The following PDZD8 variants were observed in gnomAD, a reference collection of about 807,000 sequenced individuals.
PDZD8 encodes the protein PDZ domain-containing protein 8.
In PDZD8, 14 loss-of-function variants were observed where a neutral mutation model predicts 85.8. The ratio of observed to expected loss-of-function variants is 0.16; its 90% CI spans 0.11 to 0.26. The LOEUF is 0.26. Ranked by LOEUF, PDZD8 falls within the 10% of genes least tolerant of loss-of-function variation. The pLI, the probability that PDZD8 is intolerant of heterozygous loss-of-function variation, is 1.00. For missense variants in PDZD8, 1,197 were observed against 1,424.3 expected (o/e 0.84, Z 2.57); for synonymous variants, 592 against 568.6 (o/e 1.04, Z -0.59).
chr10:117,342,773 A>G (rs1844638280), intron 1 of PDZD8, among the ~76,000 whole-genome samples: 1 of 152,198 alleles, frequency 6.6e-6, no homozygotes, highest in African/African-American at 2.4e-5. Flanking sequence ...TACAGGCCTG[A>G]GCCACCACAC....
chr10:117,358,545 A>G (rs17628116), intron 1 of PDZD8, among the ~76,000 whole-genome samples: 41,365 of 151,784 alleles, frequency 0.27, 5,998 homozygotes, highest in Middle Eastern at 0.38. Context: ...TTCCACACCT[A>G]TTTTTAATAC....
chr10:117,327,773 T>C (rs1273241525), intron 2 of PDZD8, among the ~76,000 whole-genome samples: 1 of 152,218 alleles, frequency 6.6e-6, no homozygotes, highest in East Asian at 1.9e-4. Context: ...TTTGTCCAAT[T>C]ATTCTGAATT....
chr10:117,320,614 C>G (rs577153183), intron 2 of PDZD8, among the ~76,000 whole-genome samples: 2 of 152,042 alleles, frequency 1.3e-5, no homozygotes, highest in South Asian at 4.1e-4. Flanking sequence ...AAAAGTAAAT[C>G]TTTTTGACCT....
chr10:117,361,592 CAG>C (rs1304869416), intron 1 of PDZD8, among the ~76,000 whole-genome samples: 1 of 152,122 alleles, frequency 6.6e-6, no homozygotes, highest in Non-Finnish European at 1.5e-5. Context: ...GTTTATGAAA[CAG>C]AAATCTGGTC....
In PDZD8 at chr10:117,374,477, T is replaced by C; in HGVS notation, c.751A>G (p.Ile251Val). Residue 251 changes from isoleucine to valine, a missense_variant, in exon 1 of 5, where the codon ATC (isoleucine) becomes GTC (valine). Around this residue, in one of 4 missense-constraint regions of PDZD8, gnomAD observed 344 missense variants for 453.6 expected, o/e 0.76. Transcript: ENST00000334464. The surrounding 1 kb of genome is among the most constrained non-coding windows in gnomAD (Gnocchi z 7.8). ...WFFSFVEDPL[I>V]DFEVRSQFEG... ...AACTGGGAGCGCACCTCGAAGTCGA[T>C]CAGCGGGTCTTCCACGAAGGAGAAG... is the stretch of plus-strand genomic sequence containing the variant. 1 of 1,614,052 alleles carries C rather than the reference T, an allele frequency of 6.2e-7. No homozygotes were observed. The highest frequency in any genetic ancestry group is 1.6e-4 in the Middle Eastern group (1 of 6,062).
At chr10:117,359,418 AAAC>A (rs1238921204) in intron 1 of PDZD8, among the ~76,000 whole-genome samples, 2 of 151,684 alleles carry the variant, frequency 1.3e-5, no homozygotes, top group African/African-American at 2.4e-5. Context: ...CCTGTTTCAA[AAAC>A]AACAACAGGC....
rs188332838 is a variant in PDZD8 at position 117,366,064 on chromosome 10, C to T, written c.872+8292G>A. ...AGGAAAAAAAAAAGAATCAAAAAGA[C>T]ATACACTTCATAGGATAGAGAGAGG... On this transcript the variant is annotated intron_variant, in intron 1 of 4. Coordinates refer to ENST00000334464, the MANE Select transcript of PDZD8 (RefSeq NM_173791.5). Among the ~76,000 whole-genome samples, 19 of 151,974 alleles carry T rather than the reference C, an allele frequency of 1.3e-4. No individual in the cohort carries two copies. The East Asian group carries it at 3.7e-3, about 29-fold the overall frequency.
intron 1 of PDZD8, among the ~76,000 whole-genome samples, chr10:117,351,346 A>C (rs1245162615): frequency 1.3e-5 from 2 of 152,254 alleles, no homozygotes; most frequent in Non-Finnish European, 2.9e-5. Flanking sequence ...AACAACATGG[A>C]TTAATCTCAC....
chr10:117,288,301 G>A (rs909610123), intron 4 of PDZD8, among the ~76,000 whole-genome samples: 1 of 151,688 alleles, frequency 6.6e-6, no homozygotes, highest in African/African-American at 2.4e-5. Flanking sequence ...CATGCTAAAA[G>A]AAATAAAGAC....
intron 2 of PDZD8, among the ~76,000 whole-genome samples, chr10:117,325,076 A>T (rs550924523): frequency 2.6e-5 from 4 of 152,152 alleles, no homozygotes; most frequent in Non-Finnish European, 2.9e-5. Flanking sequence ...TGACCAGACA[A>T]CTTCAAGGAA....
chr10:117,299,214 T>TA (rs2133777592), intron 3 of PDZD8, among the ~76,000 whole-genome samples: 1 of 152,352 alleles, frequency 6.6e-6, no homozygotes, highest in Admixed American at 6.5e-5. Flanking sequence ...TTAATAGTTT[T>TA]AGTTCTCTTT....
At chr10:117,291,933 C>CA (rs1416082574) in intron 3 of PDZD8, among the ~76,000 whole-genome samples, 2 of 151,818 alleles carry the variant, frequency 1.3e-5, no homozygotes, top group Non-Finnish European at 2.9e-5. Flanking sequence ...CGCTCAATTA[C>CA]AAATCAGTCT....
intron 1 of PDZD8, among the ~76,000 whole-genome samples, chr10:117,352,476 C>A (rs1257221553): frequency 6.6e-6 from 1 of 152,058 alleles, no homozygotes; most frequent in Admixed American, 6.6e-5. Flanking sequence ...CAAAAAAGAA[C>A]ACAAAAAAGA....
At chr10:117,327,346 A>C (rs1213716202) in intron 2 of PDZD8, among the ~76,000 whole-genome samples, 1 of 152,220 alleles carries the variant, frequency 6.6e-6, no homozygotes, top group Non-Finnish European at 1.5e-5. Flanking sequence ...AAGCTCCTGC[A>C]TTAGGCCCTA....
intron 2 of PDZD8, among the ~76,000 whole-genome samples, chr10:117,340,440 G>T (rs962244989): frequency 6.6e-6 from 1 of 152,080 alleles, no homozygotes; most frequent in Admixed American, 6.6e-5. Flanking sequence ...CTGTTAGGTC[G>T]GTTTAGCCAA....
At chr10:117,348,383 C>T (rs1844744600) in intron 1 of PDZD8, among the ~76,000 whole-genome samples, 1 of 152,164 alleles carries the variant, frequency 6.6e-6, no homozygotes, top group Non-Finnish European at 1.5e-5. Context: ...TAGGCATCAG[C>T]ACACTGTACA....
At chr10:117,307,235 T>C (rs952782979) in intron 3 of PDZD8, among the ~76,000 whole-genome samples, 1 of 127,512 alleles carries the variant, frequency 7.8e-6, no homozygotes, top group Non-Finnish European at 1.8e-5. Flanking sequence ...GTCTTCTTTA[T>C]AGGTTTCTAA....
intron 4 of PDZD8, among the ~76,000 whole-genome samples, chr10:117,286,205 C>T (rs1844660887): frequency 6.6e-6 from 1 of 152,122 alleles, no homozygotes; most frequent in Non-Finnish European, 1.5e-5. Context: ...AAAAGATGTA[C>T]AGTAAAAAAT....
At chr10:117,373,597 AAAAATAC>A (rs1845231558) in intron 1 of PDZD8, among the ~76,000 whole-genome samples, 1 of 136,262 alleles carries the variant, frequency 7.3e-6, no homozygotes, top group African/African-American at 3.0e-5. Context: ...GTCTCTACTA[AAAAATAC>A]AAAAAAAAAA....
Sources: allele counts gnomAD v4.1 joint callset (sites outside exome capture counted in the v4.1 genomes callset), GRCh38; gene constraint gnomAD v4.1.1; regional missense constraint gnomAD v4.1.1; non-coding constraint Gnocchi (gnomAD v3.1); transcripts MANE v1.5; gene names NCBI Gene and HGNC (gene_info 2026-07-23, HGNC 2026-07-21).